PSMF1: variants seen among roughly 807,000 people sequenced by gnomAD.
PSMF1 encodes proteasome inhibitor PI31 subunit.
PSMF1 carries 30 observed loss-of-function variants against 29.3 expected under a neutral mutation model. That is an observed-to-expected ratio of 1.02 (90% CI 0.77 to 1.39). The LOEUF (loss-of-function observed/expected upper bound fraction) is 1.39. Ranked by LOEUF, PSMF1 falls within the 40% of genes most tolerant of loss-of-function variation. The pLI is 0.00. For missense variants in PSMF1, 344 were observed against 357.5 expected (o/e 0.96, Z 0.31); for synonymous variants, 134 against 139.7 (o/e 0.96, Z 0.29).
At chr20:1,133,567 ATAT>A (rs1211002378) in intron 3 of PSMF1, among the ~76,000 whole-genome samples, 2 of 39,474 alleles carry the variant, frequency 5.1e-5, no homozygotes, top group Admixed American at 2.4e-4. Context: ...ATATATATAT[ATAT>A]TTTTTTTTTT....
At position 1,118,673 on chromosome 20, in the gene PSMF1, G is replaced by A. The variant is rs1033238475; in HGVS notation, c.-101G>A. 5.0e-6 allele frequency: 7 copies of A among 1,388,978 alleles called. No individual in the cohort carries two copies. The highest frequency in any genetic ancestry group is 6.8e-6 in the Non-Finnish European group (7 of 1,031,782). 86.0% of individuals were successfully genotyped at this position (1,388,978 alleles called of 1,614,324 possible). On this transcript the variant is annotated 5_prime_UTR_variant, in exon 1 of 7. Transcript: ENST00000335877. Reference sequence around the variant, plus strand: ...AGGTGTGGACTCGGCAAGAACCAGCGCAAGAGGGAAGCAGAGTTATAGCTA... The same window carrying A: ...AGGTGTGGACTCGGCAAGAACCAGCACAAGAGGGAAGCAGAGTTATAGCTA...
Position 1,166,396 on chromosome 20 carries a change from C to A in PSMF1, c.*1316C>A. On this transcript the variant is annotated 3_prime_UTR_variant, in exon 7 of 7. Coordinates refer to ENST00000335877, the MANE Select transcript of PSMF1 (RefSeq NM_006814.5). ...CATTTCTCAGCTCCCTGGATTCCTT[C>A]CCCTAAATTAGGACCTATTATTTAC... 1.1e-6 allele frequency: 1 copy of A among 952,092 alleles called. No individual in the cohort carries two copies. The highest frequency in any genetic ancestry group is 1.4e-5 in the South Asian group (1 of 70,952). The allele number at this position is 952,092 out of a possible 1,614,324, so 59.0% of individuals were successfully genotyped here. A position where few individuals can be genotyped will look rare whatever the true frequency, so the allele number is the denominator to read the frequency against.
rs368156098 is a variant in PSMF1, at chr20:1,161,082, A to G, written c.552-2048A>G. On this transcript the variant is annotated intron_variant, in intron 4 of 6. Transcript: ENST00000335877. Reference sequence around the variant, plus strand: ...CACACGGTGCCCATCTACAAGGGCTATGCCCTCCCCACGCCATCCTGCGTC... The same window carrying G: ...CACACGGTGCCCATCTACAAGGGCTGTGCCCTCCCCACGCCATCCTGCGTC... 9.5e-5 allele frequency: 46 copies of G among 483,800 alleles called. No homozygotes were observed. In the East Asian group the frequency reaches 1.4e-3, roughly 15 times the overall value. The allele number at this position is 483,800 out of a possible 1,614,324, so 30.0% of individuals were successfully genotyped here. A position where few individuals can be genotyped will look rare whatever the true frequency, so the allele number is the denominator to read the frequency against.
At chr20:1,113,293 C>CA (rs768715438) in exon 1 of PSMF1, 2 of 152,154 alleles carry the variant, frequency 1.3e-5, no homozygotes, top group Non-Finnish European at 2.9e-5. Context: ...CCTGGGCCCT[C>CA]ACCTCTGGCA....
Position 1,164,202 on chromosome 20 carries a change from T to G in PSMF1, c.606-116T>G. ...CTCAGGCAGCCATCCACATGTCTGCTTGGGCCATCCAGAGTAGACATCCCA... is the reference window on the plus strand; with the variant it reads ...CTCAGGCAGCCATCCACATGTCTGCGTGGGCCATCCAGAGTAGACATCCCA... On this transcript the variant is annotated intron_variant, in intron 5 of 6. Coordinates refer to ENST00000335877, the MANE Select transcript of PSMF1 (RefSeq NM_006814.5). This position sits in a 1 kb window ranked among gnomAD's most constrained non-coding sequence, Gnocchi z 4.1. 1 of 1,104,380 alleles carries G rather than the reference T, an allele frequency of 9.1e-7. No individual in the cohort carries two copies. 68.4% of individuals were successfully genotyped at this position (1,104,380 alleles called of 1,614,324 possible). A position where few individuals can be genotyped will look rare whatever the true frequency, so the allele number is the denominator to read the frequency against.
intron 4 of PSMF1, among the ~76,000 whole-genome samples, chr20:1,139,261 C>G (rs1313407150): frequency 1.3e-5 from 2 of 152,174 alleles, no homozygotes; most frequent in Non-Finnish European, 2.9e-5. Flanking sequence ...AAAAAGCTCA[C>G]AGCTGACATT....
At chr20:1,141,631 G>A (rs577986769) in intron 4 of PSMF1, among the ~76,000 whole-genome samples, 2 of 152,156 alleles carry the variant, frequency 1.3e-5, no homozygotes, top group East Asian at 1.9e-4. Context: ...AAGGATAACC[G>A]CTCTGACCAC....
chr20:1,151,665 C>T (rs1010608127), intron 4 of PSMF1, among the ~76,000 whole-genome samples: 2 of 152,154 alleles, frequency 1.3e-5, no homozygotes, highest in African/African-American at 4.8e-5. Context: ...GGGCTAATTG[C>T]CCTTTTCATT....
intron 3 of PSMF1, among the ~76,000 whole-genome samples, chr20:1,130,867 A>AT (rs1265146758): frequency 6.6e-6 from 1 of 152,122 alleles, no homozygotes; most frequent in Admixed American, 6.5e-5. Context: ...TCAAAACATC[A>AT]TTTTTTAAGC....
At chr20:1,123,118 C>T (rs1032357957) in intron 1 of PSMF1, among the ~76,000 whole-genome samples, 2 of 152,178 alleles carry the variant, frequency 1.3e-5, no homozygotes, top group African/African-American at 4.8e-5. Context: ...TCCTCACTCT[C>T]ATTTCTATGC....
chr20:1,161,819 A>G (rs887746432), intron 4 of PSMF1: 4 of 327,342 alleles, frequency 1.2e-5, no homozygotes, highest in African/African-American at 4.4e-5. Flanking sequence ...TTTTGGAAAG[A>G]AATTTGTCCT....
At chr20:1,147,261 A>T (rs919394473) in intron 4 of PSMF1, among the ~76,000 whole-genome samples, 1 of 152,010 alleles carries the variant, frequency 6.6e-6, no homozygotes, top group Non-Finnish European at 1.5e-5. Context: ...GTGTTAATTT[A>T]TGGTTGCTTA....
rs1325359444 is a variant in PSMF1, at chr20:1,160,565, A to C, written c.552-2565A>C. ...ATGTCTTCCCACCGCTCTGCCGCCC[A>C]GCTCCTCCACCGATCACAATGGAAG... On this transcript the variant is annotated intron_variant, in intron 4 of 6. Transcript: ENST00000335877. The C allele has an allele frequency of 5.0e-5, 23 of 456,938 alleles. No homozygotes were observed. In the Admixed American group the frequency reaches 5.5e-4, roughly 11 times the overall value. The allele number at this position is 456,938 out of a possible 1,614,324, so 28.3% of individuals were successfully genotyped here.
intron 3 of PSMF1, among the ~76,000 whole-genome samples, chr20:1,133,569 A>ATATATATATATATTTTTTTTTTTTTTTT: frequency 1.9e-5 from 1 of 53,302 alleles, no homozygotes; most frequent in Non-Finnish European, 4.6e-5. Context: ...ATATATATAT[A>ATATATATATATATTTTTTTTTTTTTTTT]TTTTTTTTTT....
intron 4 of PSMF1, among the ~76,000 whole-genome samples, chr20:1,151,460 C>T (rs2086529696): frequency 6.6e-6 from 1 of 152,208 alleles, no homozygotes; most frequent in African/African-American, 2.4e-5. Context: ...ATACTATTGT[C>T]TGTATTTTAC....
chr20:1,161,464 T>C, intron 4 of PSMF1: 1 of 490,692 alleles, frequency 2.0e-6, no homozygotes, highest in Non-Finnish European at 3.8e-6. Context: ...GCCAACACGG[T>C]GCTGGCCAGT....
At position 1,164,447 on chromosome 20, in the gene PSMF1, C is replaced by G. The variant is rs1259958410; in HGVS notation, c.735C>G (p.Pro245=). The G allele has an allele frequency of 1.2e-6, 2 of 1,614,052 alleles. No individual in the cohort carries two copies. Among genetic ancestry groups the G allele is most frequent in the African/African-American group, 1.3e-5 (1 of 74,920 alleles). Residue 245 remains proline (P), a synonymous_variant, in exon 6 of 7, where the codon CCC becomes CCG. Coordinates refer to ENST00000335877, the MANE Select transcript of PSMF1 (RefSeq NM_006814.5). The surrounding 1 kb of genome is among the most constrained non-coding windows in gnomAD (Gnocchi z 4.1). The part of the protein sequence containing the change: ...GAVPPGARFD[P]FGPIGTSPPG... ...TGCCCCCAGGAGCTCGCTTTGACCCCTTTGGACCCATTGGGACCAGCCCAC... is the reference window on the plus strand; with the variant it reads ...TGCCCCCAGGAGCTCGCTTTGACCCGTTTGGACCCATTGGGACCAGCCCAC...
intron 1 of PSMF1, among the ~76,000 whole-genome samples, chr20:1,119,453 C>T (rs1019212877): frequency 1.3e-5 from 2 of 152,142 alleles, no homozygotes; most frequent in African/African-American, 4.8e-5. Flanking sequence ...GCCTTTCACC[C>T]TTTACTGAAG....
In PSMF1 at chr20:1,172,106, C is replaced by T. The variant is rs1052339195; in HGVS notation, c.*7026C>T. On this transcript the variant is annotated 3_prime_UTR_variant, in exon 7 of 7. Coordinates refer to ENST00000335877, the MANE Select transcript of PSMF1 (RefSeq NM_006814.5). ...CTGAGTTCAGTGCTCCCCCAACCTG[C>T]CCTCCTCCTCTCCCCCACAGAGCTT... is the stretch of plus-strand genomic sequence containing the variant. Among the ~76,000 whole-genome samples, 1 of 152,208 alleles carries T rather than the reference C, an allele frequency of 6.6e-6. No individual in the cohort carries two copies. The highest frequency in any genetic ancestry group is 1.5e-5 in the Non-Finnish European group (1 of 68,044).
Sources: gnomAD v4.1 joint callset for allele counts (sites outside exome capture counted in the v4.1 genomes callset) on GRCh38, gnomAD v4.1.1 for gene constraint, Gnocchi (gnomAD v3.1) non-coding constraint, MANE v1.5 for transcripts, NCBI Gene and HGNC (gene_info 2026-07-23, HGNC 2026-07-21) for gene names.